Variants in CNTN5 observed in about 807,000 individuals in gnomAD.
CNTN5 encodes the protein contactin 5.
CNTN5 carries 77 observed loss-of-function variants against 129.1 expected under a neutral mutation model. The ratio of observed to expected loss-of-function variants is 0.60; its 90% confidence interval spans 0.50 to 0.72. The LOEUF is 0.72. Ranked by LOEUF, CNTN5 falls within the 30% of genes least tolerant of loss-of-function variation. The pLI is 0.00. For synonymous variants in CNTN5, 509 were observed against 465.6 expected, an observed-to-expected ratio of 1.09 and a Z score of -1.20; for missense variants, 1,478 against 1,328.8, an observed-to-expected ratio of 1.11 and a Z score of -1.75.
chr11:99,123,200 A>G (rs1304596223), intron 1 of CNTN5, among the ~76,000 whole-genome samples: 1 of 151,438 alleles, frequency 6.6e-6, no homozygotes, highest in Non-Finnish European at 1.5e-5. Context: ...CTGCAACCTC[A>G]TTAGCATGTT....
chr11:100,029,629 C>T (rs1224797545), intron 9 of CNTN5, among the ~76,000 whole-genome samples: 3 of 151,994 alleles, frequency 2.0e-5, no homozygotes, highest in Admixed American at 2.0e-4. Flanking sequence ...TAATATAATT[C>T]AAGATAAATT....
intron 8 of CNTN5, among the ~76,000 whole-genome samples, chr11:99,958,100 A>C (rs1346870602): frequency 1.3e-5 from 2 of 152,162 alleles, no homozygotes; most frequent in Non-Finnish European, 2.9e-5. Context: ...GAAATGATGA[A>C]AATTGCTAAA....
chr11:99,125,544 G>A (rs965542062), intron 1 of CNTN5, among the ~76,000 whole-genome samples: 1 of 152,104 alleles, frequency 6.6e-6, no homozygotes, highest in Admixed American at 6.6e-5. Flanking sequence ...AACTGGAAGA[G>A]GACAAGGATG....
chr11:99,700,827 G>C (rs542649647), intron 3 of CNTN5, among the ~76,000 whole-genome samples: 2 of 151,156 alleles, frequency 1.3e-5, no homozygotes, highest in African/African-American at 4.8e-5. Flanking sequence ...GGCAGAGAGT[G>C]GGGGTGCATG....
intron 2 of CNTN5, among the ~76,000 whole-genome samples, chr11:99,431,171 C>T (rs1943353643): frequency 6.6e-6 from 1 of 152,030 alleles, no homozygotes; most frequent in Non-Finnish European, 1.5e-5. Context: ...AATGAAAATA[C>T]AGTTATTTAG....
intron 4 of CNTN5, among the ~76,000 whole-genome samples, chr11:99,841,663 G>C (rs1411898800): frequency 6.6e-6 from 1 of 151,184 alleles, no homozygotes; most frequent in East Asian, 1.9e-4. Context: ...AGGAGAAGGA[G>C]AATGAAGAAG....
At chr11:100,062,555 G>C (rs117817917) in intron 10 of CNTN5, among the ~76,000 whole-genome samples, 1 of 152,124 alleles carries the variant, frequency 6.6e-6, no homozygotes, top group Non-Finnish European at 1.5e-5. Flanking sequence ...TAGAGGAAAA[G>C]CAAACTCCAC....
intron 2 of CNTN5, among the ~76,000 whole-genome samples, chr11:99,408,448 GAGAA>G (rs1555137775): frequency 0.036 from 2,796 of 78,052 alleles, 65 homozygotes; most frequent in South Asian, 0.078. Context: ...AAGAAAGAAA[GAGAA>G]AGAAAGAAAG....
At chr11:99,468,206 A>G (rs1945020245) in intron 2 of CNTN5, among the ~76,000 whole-genome samples, 1 of 152,174 alleles carries the variant, frequency 6.6e-6, no homozygotes, top group Non-Finnish European at 1.5e-5. Flanking sequence ...ACGAATATGC[A>G]CAGCTATTAA....
intron 2 of CNTN5, among the ~76,000 whole-genome samples, chr11:99,447,240 T>G (rs1432271101): frequency 6.6e-6 from 1 of 152,200 alleles, no homozygotes; most frequent in Non-Finnish European, 1.5e-5. Flanking sequence ...ATATTAAAAA[T>G]ATGCTGCTGT....
At chr11:99,388,798 C>T (rs1324098537) in intron 2 of CNTN5, among the ~76,000 whole-genome samples, 1 of 152,116 alleles carries the variant, frequency 6.6e-6, no homozygotes, top group African/African-American at 2.4e-5. Context: ...CAGTTTTCAA[C>T]CACTTTCTAT....
intron 16 of CNTN5, among the ~76,000 whole-genome samples, chr11:100,230,502 A>T (rs762721513): frequency 5.9e-5 from 9 of 152,172 alleles, no homozygotes; most frequent in Non-Finnish European, 1.3e-4. Flanking sequence ...AGATGTTCAG[A>T]TTTTCTGCAC....
At chr11:100,309,068 AT>A (rs1951415195) in intron 21 of CNTN5, 1 of 984,940 alleles carries the variant, frequency 1.0e-6, no homozygotes, top group African/African-American at 1.7e-5. Context: ...GAACATGAAT[AT>A]TTTATGATAA....
chr11:99,836,394 T>G (rs113248691), intron 4 of CNTN5, among the ~76,000 whole-genome samples: 8,394 of 151,602 alleles, frequency 0.055, 286 homozygotes, highest in Middle Eastern at 0.1. Context: ...CATGCGGTGT[T>G]TGGTTTTTTG....
chr11:100,356,106 T>C lies in CNTN5; in HGVS notation c.3200-11T>C. 2 of 1,593,544 alleles carry C rather than the reference T, an allele frequency of 1.3e-6. No individual in the cohort carries two copies. The highest frequency in any genetic ancestry group is 1.7e-6 in the Non-Finnish European group (2 of 1,165,294). Reference sequence around the variant, plus strand: ...GATAATTTGCTCCATTTGATGCTTCTTTTTTCACAGGTGGAAAAATCACAA... The same window carrying C: ...GATAATTTGCTCCATTTGATGCTTCCTTTTTCACAGGTGGAAAAATCACAA... On this transcript the variant is annotated splice_polypyrimidine_tract_variant and intron_variant, in intron 24 of 24. Coordinates refer to ENST00000524871, the MANE Select transcript of CNTN5 (RefSeq NM_014361.4).
intron 2 of CNTN5, among the ~76,000 whole-genome samples, chr11:99,383,558 T>C (rs1293652054): frequency 6.6e-6 from 1 of 152,026 alleles, no homozygotes; most frequent in Admixed American, 6.6e-5. Flanking sequence ...TCGTGGTTGA[T>C]ACTCATTTAG....
At chr11:100,175,905 A>G (rs372817664) in intron 13 of CNTN5, among the ~76,000 whole-genome samples, 1 of 152,080 alleles carries the variant, frequency 6.6e-6, no homozygotes, top group African/African-American at 2.4e-5. Context: ...TTTTTTTAAG[A>G]TCTCATCCTG....
rs5793966 is a variant in CNTN5, at chr11:99,083,033, A to AACAC, written c.-210+61784_-210+61787dup. Among the ~76,000 whole-genome samples, 549 of 150,224 alleles carry AACAC rather than the reference A, an allele frequency of 3.7e-3. 3 individuals carry two copies. Among genetic ancestry groups the AACAC allele is most frequent in the African/African-American group, 0.011 (467 of 40,868 alleles). On this transcript the variant is annotated intron_variant, in intron 1 of 24. Coordinates refer to ENST00000524871, the MANE Select transcript of CNTN5 (RefSeq NM_014361.4). ...CCAAAATATTACAATAAATGATTTA[A>AACAC]ACACACACACACACACACACACACG...
At chr11:99,937,436 T>G (rs952564986) in intron 7 of CNTN5, among the ~76,000 whole-genome samples, 2 of 152,104 alleles carry the variant, frequency 1.3e-5, no homozygotes, top group Non-Finnish European at 2.9e-5. Flanking sequence ...TCAGGGAGAA[T>G]GAAAGTCTGG....
Sources: gnomAD v4.1 joint callset for allele counts (sites outside exome capture counted in the v4.1 genomes callset) on GRCh38, gnomAD v4.1.1 for gene constraint, MANE v1.5 for transcripts, NCBI Gene and HGNC (gene_info 2026-07-23, HGNC 2026-07-21) for gene names.